The following SLC9A9 variants were observed in gnomAD, a reference collection of about 807,000 sequenced individuals.
SLC9A9 encodes the protein solute carrier family 9 member A9.
A neutral mutation model predicts 77.8 loss-of-function variants in SLC9A9; 62 were observed. The ratio of observed to expected loss-of-function variants is 0.80; its 90% CI spans 0.65 to 0.98. The LOEUF (loss-of-function observed/expected upper bound fraction) is 0.98. SLC9A9 is among the 50% of genes least tolerant of loss of function. SLC9A9 has a pLI of 0.00. For missense variants in SLC9A9, 775 were observed against 774.9 expected, an observed-to-expected ratio of 1.00 and a Z score of 0.00; for synonymous variants, 320 against 283.5, an observed-to-expected ratio of 1.13 and a Z score of -1.29.
chr3:143,664,551 C>A (rs2039032230), intron 5 of SLC9A9, among the ~76,000 whole-genome samples: 1 of 152,152 alleles, frequency 6.6e-6, no homozygotes, highest in East Asian at 1.9e-4. Flanking sequence ...GATAAAGAGT[C>A]AAGACCCATC....
chr3:143,827,179 C>A (rs1430939767), intron 2 of SLC9A9, among the ~76,000 whole-genome samples: 2 of 152,184 alleles, frequency 1.3e-5, no homozygotes, highest in African/African-American at 4.8e-5. Context: ...TATTACATAA[C>A]AAACTTATGT....
intron 2 of SLC9A9, among the ~76,000 whole-genome samples, chr3:143,828,125 A>C (rs2108886237): frequency 6.6e-6 from 1 of 152,292 alleles, no homozygotes; most frequent in Admixed American, 6.5e-5. Flanking sequence ...CAGTAGTGGG[A>C]CCCTGAACTC....
intron 9 of SLC9A9, among the ~76,000 whole-genome samples, chr3:143,540,247 T>C (rs1296658065): frequency 6.6e-6 from 1 of 152,164 alleles, no homozygotes; most frequent in East Asian, 1.9e-4. Context: ...CTTAGTTATG[T>C]AGAATGCTGA....
At chr3:143,764,001 C>T (rs892210169) in intron 4 of SLC9A9, among the ~76,000 whole-genome samples, 4 of 152,078 alleles carry the variant, frequency 2.6e-5, no homozygotes, top group Non-Finnish European at 5.9e-5. Context: ...CCATGAAAGA[C>T]CATCACATGT....
At chr3:143,759,127 G>C (rs1039706772) in intron 4 of SLC9A9, among the ~76,000 whole-genome samples, 9 of 152,116 alleles carry the variant, frequency 5.9e-5, no homozygotes, top group African/African-American at 2.2e-4. Flanking sequence ...CTAAGGGAGA[G>C]AGAAAGGATT....
intron 5 of SLC9A9, among the ~76,000 whole-genome samples, chr3:143,686,847 C>T (rs756136175): frequency 6.6e-6 from 1 of 152,066 alleles, no homozygotes; most frequent in Non-Finnish European, 1.5e-5. Context: ...GCTGTTTGGG[C>T]TTTTGCTCTC....
At chr3:143,514,116 A>G (rs779251992) in intron 9 of SLC9A9, among the ~76,000 whole-genome samples, 3 of 152,062 alleles carry the variant, frequency 2.0e-5, no homozygotes, top group South Asian at 2.1e-4. Flanking sequence ...TGTCCTTACA[A>G]TAGTTTGCTA....
intron 12 of SLC9A9, among the ~76,000 whole-genome samples, chr3:143,432,343 T>G (rs1436558348): frequency 6.6e-6 from 1 of 152,180 alleles, no homozygotes; most frequent in East Asian, 1.9e-4. Context: ...AGGTTCTCAG[T>G]GCAGTAAACT....
intron 4 of SLC9A9, among the ~76,000 whole-genome samples, chr3:143,743,241 GGATAGATAGATA>G (rs71140453): frequency 0.037 from 4,998 of 133,420 alleles, 118 homozygotes; most frequent in South Asian, 0.096. Context: ...ATGGATGGAT[GGATAGATAGATA>G]GATAGATAGA....
At chr3:143,668,386 C>T (rs1165653484) in intron 5 of SLC9A9, among the ~76,000 whole-genome samples, 5 of 151,266 alleles carry the variant, frequency 3.3e-5, no homozygotes, top group East Asian at 2.0e-4. Flanking sequence ...ATGTAAATGA[C>T]GAGTTAATGG....
chr3:143,293,119 C>T lies in SLC9A9; in HGVS notation c.1605-24139G>A, dbSNP rs543785645. Among the ~76,000 whole-genome samples the T allele has an allele frequency of 2.0e-5, 3 of 152,210 alleles. No homozygotes were observed. In the East Asian group the frequency reaches 5.8e-4, roughly 29 times the overall value. Reference sequence around the variant, plus strand: ...TATATGCATTCCTCTCCCTATATACCTCTATGCTTATATCAATTCATAAAT... The same window carrying T: ...TATATGCATTCCTCTCCCTATATACTTCTATGCTTATATCAATTCATAAAT... On this transcript the variant is annotated intron_variant, in intron 14 of 15. Transcript: ENST00000316549.
At chr3:143,423,104 C>G (rs1186490876) in intron 12 of SLC9A9, among the ~76,000 whole-genome samples, 1 of 152,020 alleles carries the variant, frequency 6.6e-6, no homozygotes, top group Non-Finnish European at 1.5e-5. Flanking sequence ...AAGGAAGAGA[C>G]TAGAATGAAC....
At position 143,610,869 on chromosome 3, in the gene SLC9A9, G is replaced by A. The variant is rs577523431; in HGVS notation, c.756-32146C>T. Reference sequence around the variant, plus strand: ...TACAGTGAGGCTCACCAGTTGATGAGCTTAGAACTTGCCCCTGCTCCAGTC... The same window carrying A: ...TACAGTGAGGCTCACCAGTTGATGAACTTAGAACTTGCCCCTGCTCCAGTC... On this transcript the variant is annotated intron_variant, in intron 6 of 15. Coordinates refer to ENST00000316549, the MANE Select transcript of SLC9A9 (RefSeq NM_173653.4). Among the ~76,000 whole-genome samples, 4 of 152,282 alleles carry A rather than the reference G, an allele frequency of 2.6e-5. No homozygotes were observed. The East Asian group carries it at 7.7e-4, about 29-fold the overall frequency.
intron 9 of SLC9A9, among the ~76,000 whole-genome samples, chr3:143,520,667 G>T (rs1334618885): frequency 6.6e-6 from 1 of 152,122 alleles, no homozygotes; most frequent in Non-Finnish European, 1.5e-5. Flanking sequence ...GAAAACAAAA[G>T]CCCAAAGAGG....
chr3:143,381,899 C>A, intron 13 of SLC9A9, 161 bp downstream of exon 13: 2 of 828,752 alleles, frequency 2.4e-6, no homozygotes, highest in Non-Finnish European at 4.1e-6. Flanking sequence ...TTATCAACAC[C>A]CTGAATTCCC....
intron 4 of SLC9A9, among the ~76,000 whole-genome samples, chr3:143,711,131 G>T (rs1934180296): frequency 1.3e-5 from 2 of 152,290 alleles, no homozygotes; most frequent in South Asian, 4.1e-4. Context: ...CTGATTCTTG[G>T]TTTTCAACCA....
At chr3:143,323,632 A>C (rs2031488687) in intron 14 of SLC9A9, among the ~76,000 whole-genome samples, 2 of 152,170 alleles carry the variant, frequency 1.3e-5, no homozygotes, top group African/African-American at 4.8e-5. Context: ...ATACAGTGAG[A>C]TAGAAGGAAT....
chr3:143,554,867 G>A (rs1422850742), intron 8 of SLC9A9, among the ~76,000 whole-genome samples: 1 of 152,190 alleles, frequency 6.6e-6, no homozygotes, highest in Non-Finnish European at 1.5e-5. Flanking sequence ...TCAGATATCT[G>A]TTTAGATGTT....
At chr3:143,629,229 C>T (rs1035951384) in intron 6 of SLC9A9, among the ~76,000 whole-genome samples, 6 of 152,192 alleles carry the variant, frequency 3.9e-5, no homozygotes, top group African/African-American at 1.4e-4. Context: ...ATAAGCTTGA[C>T]AGCTTGTCTG....
Sources: allele counts gnomAD v4.1 joint callset (sites outside exome capture counted in the v4.1 genomes callset), GRCh38; gene constraint gnomAD v4.1.1; transcripts MANE v1.5; gene names NCBI Gene and HGNC (gene_info 2026-07-23, HGNC 2026-07-21).